TULP4: variants seen among roughly 807,000 people sequenced by gnomAD.
TULP4 encodes TUB like protein 4, also known as tubby-related protein 4.
TULP4 carries 16 observed loss-of-function variants against 129.0 expected under a neutral mutation model. That is an observed-to-expected ratio of 0.12 (90% CI 0.08 to 0.19). TULP4 has a LOEUF of 0.19. Among genes scored for constraint, TULP4 ranks in the 10% least tolerant of loss-of-function variants. The pLI, the probability that TULP4 is intolerant of heterozygous loss-of-function variation, is 1.00. For missense variants in TULP4, 1,842 were observed against 2,059.1 expected (o/e 0.89, Z 2.04); for synonymous variants, 998 against 854.0 (o/e 1.17, Z -2.94).
intron 1 of TULP4, among the ~76,000 whole-genome samples, chr6:158,375,218 G>A (rs1049129328): frequency 7.9e-5 from 12 of 152,192 alleles, no homozygotes; most frequent in African/African-American, 2.4e-4. Flanking sequence ...ACTCCAGCCT[G>A]GGCAGACAGA....
In TULP4 at chr6:158,503,013, A is replaced by C. The variant is rs1239500486; in HGVS notation, c.3350A>C (p.Lys1117Thr). The C allele has an allele frequency of 6.2e-7, 1 of 1,613,850 alleles. No homozygotes were observed. The highest frequency in any genetic ancestry group is 8.5e-7 in the Non-Finnish European group (1 of 1,179,974). Residue 1117 changes from lysine (K) to threonine (T), a missense_variant, in exon 13 of 14, where the codon AAA (lysine) becomes ACA (threonine). By Grantham distance (78) the Lys-to-Thr change is moderately conservative (BLOSUM62 -1). This residue lies in a region of TULP4 where 1,089 missense variants were observed against 987.1 expected (regional missense o/e 1.10). Coordinates refer to ENST00000367097, the MANE Select transcript of TULP4 (RefSeq NM_020245.5). This position sits in a 1 kb window ranked among gnomAD's most constrained non-coding sequence, Gnocchi z 4.3. Reference protein sequence around the residue: ...PPLPEAAVTLKRPPPYQWDPM... With the variant: ...PPLPEAAVTLTRPPPYQWDPM... Reference sequence around the variant, plus strand: ...CTGCCTGAAGCTGCTGTCACCCTGAAACGGCCACCCCCTTACCAGTGGGAC... The same window carrying C: ...CTGCCTGAAGCTGCTGTCACCCTGACACGGCCACCCCCTTACCAGTGGGAC...
intron 1 of TULP4, among the ~76,000 whole-genome samples, chr6:158,301,241 G>A (rs1219366158): frequency 6.6e-6 from 1 of 152,116 alleles, no homozygotes; most frequent in Non-Finnish European, 1.5e-5. Flanking sequence ...TTTGAGCAGA[G>A]GTATAAGGGT....
intron 1 of TULP4, among the ~76,000 whole-genome samples, chr6:158,405,485 G>A (rs896784709): frequency 2.6e-5 from 4 of 152,186 alleles, no homozygotes; most frequent in South Asian, 2.1e-4. Context: ...AAAGGGCACC[G>A]TTGCATTAAG....
intron 1 of TULP4, among the ~76,000 whole-genome samples, chr6:158,286,459 G>A (rs1161257960): frequency 6.6e-6 from 1 of 152,130 alleles, no homozygotes; most frequent in African/African-American, 2.4e-5. Context: ...CTGTAACCAC[G>A]AGAGTAAACT....
At chr6:158,259,288 G>A (rs1286210286) in intron 1 of TULP4, among the ~76,000 whole-genome samples, 2 of 152,202 alleles carry the variant, frequency 1.3e-5, no homozygotes, top group African/African-American at 4.8e-5. Flanking sequence ...GTGTGTGCCA[G>A]TGGATCTGTC....
At position 158,502,910 on chromosome 6, in the gene TULP4, T is replaced by A; in HGVS notation, c.3247T>A (p.Tyr1083Asn). The A allele has an allele frequency of 6.2e-7, 1 of 1,613,998 alleles. No individual in the cohort carries two copies. The highest frequency in any genetic ancestry group is 8.5e-7 in the Non-Finnish European group (1 of 1,180,026). The change falls in exon 13 of 14, where the codon TAC becomes AAC. Residue 1083 changes from tyrosine to asparagine, a missense_variant. Around this residue, in one of 5 missense-constraint regions of TULP4, gnomAD observed 1,089 missense variants for 987.1 expected, o/e 1.10. Transcript: ENST00000367097. ...PPDSARDRTD[Y>N]VNSAFTEDEA... ...CGACAGCGCCCGCGACCGCACCGACTACGTCAACTCGGCCTTCACGGAGGA... is the reference window on the plus strand; with the variant it reads ...CGACAGCGCCCGCGACCGCACCGACAACGTCAACTCGGCCTTCACGGAGGA...
chr6:158,243,544 CTCTA>C (rs922399335), intron 1 of TULP4, among the ~76,000 whole-genome samples: 86 of 151,666 alleles, frequency 5.7e-4, no homozygotes, highest in African/African-American at 1.9e-3. Context: ...CCTATAGGTT[CTCTA>C]TCTTTTTTTT....
intron 1 of TULP4, among the ~76,000 whole-genome samples, chr6:158,373,124 G>T (rs1451042091): frequency 6.6e-6 from 1 of 152,222 alleles, no homozygotes; most frequent in African/African-American, 2.4e-5. Context: ...TTCTTGGAGA[G>T]AAGGTTCTTA....
At chr6:158,285,843 A>C (rs915232133) in intron 1 of TULP4, among the ~76,000 whole-genome samples, 5 of 152,182 alleles carry the variant, frequency 3.3e-5, no homozygotes, top group African/African-American at 1.2e-4. Context: ...ACCAAGAAGG[A>C]ATCACTTGGA....
chr6:158,345,753 C>T (rs1229785487), intron 1 of TULP4, among the ~76,000 whole-genome samples: 3 of 152,184 alleles, frequency 2.0e-5, no homozygotes. Context: ...TGATAAACAT[C>T]TTAACAGAAA....
chr6:158,252,111 C>G (rs1778153392), intron 1 of TULP4, among the ~76,000 whole-genome samples: 1 of 152,118 alleles, frequency 6.6e-6, no homozygotes, highest in African/African-American at 2.4e-5. Context: ...GCATCTAGGC[C>G]TGTAGCATTT....
intron 1 of TULP4, among the ~76,000 whole-genome samples, chr6:158,249,057 T>G (rs1407002937): frequency 1.5e-5 from 2 of 135,612 alleles, no homozygotes; most frequent in African/African-American, 2.8e-5. Flanking sequence ...CCCAGGGAGG[T>G]CAAGGCTGGG....
intron 3 of TULP4, among the ~76,000 whole-genome samples, chr6:158,432,508 T>A (rs1778653632): frequency 6.6e-6 from 1 of 152,122 alleles, no homozygotes; most frequent in Non-Finnish European, 1.5e-5. Flanking sequence ...CTTCCTCACA[T>A]CTTGAGCTAT....
intron 11 of TULP4, among the ~76,000 whole-genome samples, chr6:158,496,301 G>A (rs950212961): frequency 6.6e-6 from 1 of 152,208 alleles, no homozygotes; most frequent in Non-Finnish European, 1.5e-5. Flanking sequence ...CTGAATCTGT[G>A]TATGAGTTGT....
intron 1 of TULP4, among the ~76,000 whole-genome samples, chr6:158,262,770 A>G (rs9348214): frequency 0.33 from 50,008 of 152,034 alleles, 9,222 homozygotes; most frequent in Admixed American, 0.45. Context: ...AGCTGTCTCT[A>G]TGCCACATCA....
At chr6:158,269,772 A>G (rs980210379) in intron 1 of TULP4, among the ~76,000 whole-genome samples, 4 of 152,242 alleles carry the variant, frequency 2.6e-5, no homozygotes, top group Non-Finnish European at 5.9e-5. Flanking sequence ...AGTACTTGAC[A>G]TATGTTTATT....
intron 1 of TULP4, among the ~76,000 whole-genome samples, chr6:158,326,318 T>C (rs1779745834): frequency 6.6e-6 from 1 of 152,220 alleles, no homozygotes. Flanking sequence ...AGTTCATTTT[T>C]TTGTTTTGTT....
At chr6:158,338,021 G>A (rs181953949) in intron 1 of TULP4, among the ~76,000 whole-genome samples, 3 of 152,280 alleles carry the variant, frequency 2.0e-5, no homozygotes, top group Admixed American at 2.0e-4. Flanking sequence ...CATGACTCTG[G>A]CCGTAGTTAT....
Position 158,351,707 on chromosome 6 carries a change from C to CTTTTTTT in TULP4, c.252+37462_252+37468dup, listed in dbSNP as rs1160814801. On this transcript the variant is annotated intron_variant, in intron 1 of 13. Coordinates refer to ENST00000367097, the MANE Select transcript of TULP4 (RefSeq NM_020245.5). Reference sequence around the variant, plus strand: ...AGTAGCATCTTTTTGTGTTGTTAAACTTTTTTTTTTTTTTTTTTTTTTTTT... The same window carrying CTTTTTTT: ...AGTAGCATCTTTTTGTGTTGTTAAACTTTTTTTTTTTTTTTTTTTTTTTTTTTTTTTT... Among the ~76,000 whole-genome samples the CTTTTTTT allele has an allele frequency of 2.0e-3, 99 of 50,522 alleles. 17 individuals carry two copies. Among genetic ancestry groups the CTTTTTTT allele is most frequent in the African/African-American group, 6.2e-3 (76 of 12,264 alleles). The allele number at this position is 50,522 out of a possible 152,430, so 33.1% of individuals were successfully genotyped here.
Sources: allele counts gnomAD v4.1 joint callset (sites outside exome capture counted in the v4.1 genomes callset), GRCh38; gene constraint gnomAD v4.1.1; regional missense constraint gnomAD v4.1.1; non-coding constraint Gnocchi (gnomAD v3.1); transcripts MANE v1.5; gene names NCBI Gene and HGNC (gene_info 2026-07-23, HGNC 2026-07-21).